The following SOCS5 variants were observed in gnomAD, a reference collection of about 807,000 sequenced individuals.
The protein encoded by SOCS5 is CIS-6.
In SOCS5, 32 loss-of-function variants were observed where a neutral mutation model predicts 42.8. The observed-to-expected ratio is 0.75, with a 90% confidence interval of 0.56 to 1.01. The LOEUF (loss-of-function observed/expected upper bound fraction) is 1.01. Among genes scored for constraint, SOCS5 ranks in the 50% least tolerant of loss-of-function variants. SOCS5 has a pLI of 0.00. For synonymous variants in SOCS5, 283 were observed against 229.6 expected, an observed-to-expected ratio of 1.23 and a Z score of -2.10; for missense variants, 627 against 653.0, an observed-to-expected ratio of 0.96 and a Z score of 0.43.
At chr2:46,723,413 A>G (rs1030241012) in intron 1 of SOCS5, among the ~76,000 whole-genome samples, 3 of 151,992 alleles carry the variant, frequency 2.0e-5, no homozygotes, top group Non-Finnish European at 4.4e-5. Context: ...ATAGGTTTGC[A>G]TTCTACAAAA....
At chr2:46,744,244 C>T (rs1245994785) in intron 1 of SOCS5, among the ~76,000 whole-genome samples, 1 of 152,162 alleles carries the variant, frequency 6.6e-6, no homozygotes, top group Non-Finnish European at 1.5e-5. Flanking sequence ...CCTGCCTCGG[C>T]CTCCCAAAGT....
chr2:46,745,724 A>T (rs1421441006), intron 1 of SOCS5, among the ~76,000 whole-genome samples: 1 of 152,176 alleles, frequency 6.6e-6, no homozygotes, highest in Non-Finnish European at 1.5e-5. Flanking sequence ...CCTCTTTAAC[A>T]TTTCCCATGA....
intron 1 of SOCS5, among the ~76,000 whole-genome samples, chr2:46,715,960 G>C (rs1016223688): frequency 6.6e-6 from 1 of 151,998 alleles, no homozygotes; most frequent in Non-Finnish European, 1.5e-5. Context: ...CTGAGGCCCT[G>C]TCCATTTTTC....
At chr2:46,750,870 G>A (rs1301980387) in intron 1 of SOCS5, among the ~76,000 whole-genome samples, 1 of 152,130 alleles carries the variant, frequency 6.6e-6, no homozygotes, top group African/African-American at 2.4e-5. Flanking sequence ...ATGTTGGAGT[G>A]ATGCTGAGTT....
intron 1 of SOCS5, among the ~76,000 whole-genome samples, chr2:46,741,619 G>A (rs565570177): frequency 1.4e-4 from 21 of 152,198 alleles, no homozygotes; most frequent in African/African-American, 4.6e-4. Context: ...TTTAAAAAAT[G>A]TTTGTGATAT....
At position 46,729,881 on chromosome 2, in the gene SOCS5, C is replaced by G. The variant is rs115150826; in HGVS notation, c.-12-28638C>G. Among the ~76,000 whole-genome samples, 1,072 of 152,218 alleles carry G rather than the reference C, an allele frequency of 7.0e-3. 19 individuals are homozygous for G. Among genetic ancestry groups the G allele is most frequent in the African/African-American group, 0.025 (1,032 of 41,538 alleles). On this transcript the variant is annotated intron_variant, in intron 1 of 1. Coordinates refer to ENST00000394861, the MANE Select transcript of SOCS5 (RefSeq NM_144949.3). ...ACTTTTTGCCTATTTTGTAGTAGTA[C>G]TTGTTTTAAAACACAAACATATACA...
intron 1 of SOCS5, among the ~76,000 whole-genome samples, chr2:46,739,203 G>C (rs1404675714): frequency 6.6e-6 from 1 of 151,918 alleles, no homozygotes; most frequent in Non-Finnish European, 1.5e-5. Context: ...TGGAGTCAAA[G>C]AGAAAAAAAA....
chr2:46,760,237 CAT>C lies in SOCS5; in HGVS notation c.*98_*99del. 1 of 855,664 alleles carries C rather than the reference CAT, an allele frequency of 1.2e-6. No individual in the cohort carries two copies. Among genetic ancestry groups the C allele is most frequent in the Non-Finnish European group, 1.9e-6 (1 of 538,360 alleles). 53.0% of individuals were successfully genotyped at this position (855,664 alleles called of 1,614,324 possible). ...CACACGTAGCAGTGTTAGGCTTTTT[CAT>C]ACAGTATGTAAGCTTAGTGTTAGTA... On this transcript the variant is annotated 3_prime_UTR_variant, in exon 2 of 2. Coordinates refer to ENST00000394861, the MANE Select transcript of SOCS5 (RefSeq NM_144949.3).
At chr2:46,719,719 C>T (rs1050852377) in intron 1 of SOCS5, among the ~76,000 whole-genome samples, 2 of 152,010 alleles carry the variant, frequency 1.3e-5, no homozygotes, top group Non-Finnish European at 2.9e-5. Context: ...TGTTGGAAAC[C>T]CATAGCAGAA....
At chr2:46,720,328 G>T (rs779615201) in intron 1 of SOCS5, among the ~76,000 whole-genome samples, 1 of 152,040 alleles carries the variant, frequency 6.6e-6, no homozygotes, top group African/African-American at 2.4e-5. Context: ...TACTGCTCTT[G>T]GTGTCATAGG....
intron 1 of SOCS5, among the ~76,000 whole-genome samples, chr2:46,703,409 A>T (rs1672389476): frequency 6.6e-6 from 1 of 151,872 alleles, no homozygotes; most frequent in African/African-American, 2.4e-5. Flanking sequence ...ACCAATTTCT[A>T]ATATTCTTTT....
chr2:46,703,281 G>C (rs1202988905), intron 1 of SOCS5, among the ~76,000 whole-genome samples: 1 of 151,968 alleles, frequency 6.6e-6, no homozygotes, highest in Non-Finnish European at 1.5e-5. Context: ...ATAAATACCT[G>C]GGCCAGCTAT....
chr2:46,756,913 A>G (rs990140751), intron 1 of SOCS5, among the ~76,000 whole-genome samples: 1 of 152,196 alleles, frequency 6.6e-6, no homozygotes, highest in Non-Finnish European at 1.5e-5. Context: ...AGATTTTTGC[A>G]AGACAGAGGA....
At chr2:46,710,720 A>T (rs954165343) in intron 1 of SOCS5, among the ~76,000 whole-genome samples, 2 of 152,242 alleles carry the variant, frequency 1.3e-5, no homozygotes, top group African/African-American at 4.8e-5. Context: ...AGATCTAAAT[A>T]GGGATATACC....
chr2:46,759,509 G>C lies in SOCS5; in HGVS notation c.979G>C (p.Asp327His). The change falls in exon 2 of 2, where the codon GAT becomes CAT. Residue 327 changes from aspartate to histidine, a missense_variant. Transcript: ENST00000394861. ...ACAAGCTAATTGTGACTCGGAAGAG[G>C]ATACAACCACCCTGTGTTTGCAGTC... Reference protein sequence around the residue: ...IPQANCDSEEDTTTLCLQSRR... With the variant: ...IPQANCDSEEHTTTLCLQSRR... The C allele has an allele frequency of 6.2e-7, 1 of 1,613,970 alleles. No individual in the cohort carries two copies. The highest frequency in any genetic ancestry group is 8.5e-7 in the Non-Finnish European group (1 of 1,179,864).
At chr2:46,708,220 A>C (rs1231791188) in intron 1 of SOCS5, among the ~76,000 whole-genome samples, 1 of 152,194 alleles carries the variant, frequency 6.6e-6, no homozygotes, top group African/African-American at 2.4e-5. Flanking sequence ...TGGAAACAAG[A>C]GCACTGCTGA....
intron 1 of SOCS5, among the ~76,000 whole-genome samples, chr2:46,710,931 G>T (rs897145735): frequency 6.6e-6 from 1 of 152,148 alleles, no homozygotes; most frequent in Non-Finnish European, 1.5e-5. Context: ...TATAAATGGA[G>T]TCATGCAGTA....
intron 1 of SOCS5, among the ~76,000 whole-genome samples, chr2:46,741,325 C>T (rs1202352212): frequency 2.6e-5 from 4 of 152,140 alleles, no homozygotes; most frequent in Non-Finnish European, 4.4e-5. Context: ...CTGCAACCTC[C>T]ACCTCCCAGG....
chr2:46,747,733 G>C (rs1285353190), intron 1 of SOCS5, among the ~76,000 whole-genome samples: 5 of 152,056 alleles, frequency 3.3e-5, no homozygotes, highest in African/African-American at 1.2e-4. Flanking sequence ...TTGGTGTCTA[G>C]CAAATAAAGT....
Sources: gnomAD v4.1 joint callset for allele counts (sites outside exome capture counted in the v4.1 genomes callset) on GRCh38, gnomAD v4.1.1 for gene constraint, MANE v1.5 for transcripts, NCBI Gene and HGNC (gene_info 2026-07-23, HGNC 2026-07-21) for gene names.